Variants in POLN observed in about 807,000 individuals in gnomAD.
POLN encodes DNA polymerase N.
In POLN, 108 loss-of-function variants were observed where a neutral mutation model predicts 113.5. The ratio of observed to expected loss-of-function variants is 0.95; its 90% CI spans 0.81 to 1.12. The LOEUF (loss-of-function observed/expected upper bound fraction) is 1.12, where lower values mean the gene tolerates loss of function less well. Among genes scored for constraint, POLN ranks in the 50% most tolerant of loss-of-function variants. The probability of loss-of-function intolerance (pLI) is 0.00; values close to 1 mark genes in which losing one functional copy is unlikely to be tolerated. For missense variants in POLN, 1,097 were observed against 1,077.1 expected (o/e 1.02, Z -0.26); for synonymous variants, 386 against 391.5 (o/e 0.99, Z 0.17).
chr4:2,231,387 C>T (rs1159993079), intron 2 of POLN: 1 of 152,478 alleles, frequency 6.6e-6, no homozygotes, highest in Non-Finnish European at 1.5e-5. Context: ...ATCAAGAGGT[C>T]AAGAGATTGA....
chr4:2,150,149 T>TA (rs569117003), intron 16 of POLN, among the ~76,000 whole-genome samples: 261 of 151,642 alleles, frequency 1.7e-3, no homozygotes, highest in East Asian at 3.9e-3. Context: ...GAGAGACACA[T>TA]ACACACACAC....
intron 7 of POLN, among the ~76,000 whole-genome samples, chr4:2,185,535 C>G (rs1019376926): frequency 2.6e-5 from 4 of 152,206 alleles, no homozygotes; most frequent in Non-Finnish European, 4.4e-5. Flanking sequence ...TACTTGAGGT[C>G]AGGAGTTCGA....
chr4:2,216,953 C>T lies in POLN; in HGVS notation c.134-3827G>A, dbSNP rs115513084. Among the ~76,000 whole-genome samples, 318 of 152,300 alleles carry T rather than the reference C, an allele frequency of 2.1e-3. 1 individual carries two copies. Among genetic ancestry groups the T allele is most frequent in the African/African-American group, 7.3e-3 (303 of 41,572 alleles). ...TTACTCCATGAGAGAGCCCAGTGTGCCAGCATGGGCGCAGCAGATGGCAGA... is the reference window on the plus strand; with the variant it reads ...TTACTCCATGAGAGAGCCCAGTGTGTCAGCATGGGCGCAGCAGATGGCAGA... On this transcript the variant is annotated intron_variant, in intron 3 of 25. Transcript: ENST00000511885.
At chr4:2,165,367 A>G (rs1185254207) in intron 13 of POLN, among the ~76,000 whole-genome samples, 1 of 152,230 alleles carries the variant, frequency 6.6e-6, no homozygotes, top group East Asian at 1.9e-4. Flanking sequence ...AACATTCTGG[A>G]AAAGGCAAAA....
intron 5 of POLN, among the ~76,000 whole-genome samples, chr4:2,199,432 A>C (rs968396615): frequency 2.6e-5 from 4 of 152,180 alleles, no homozygotes; most frequent in African/African-American, 7.2e-5. Context: ...ACCAAGAAAA[A>C]TACATCAACA....
intron 18 of POLN, among the ~76,000 whole-genome samples, 175 bp from the exon 19 acceptor site, chr4:2,128,402 G>T (rs1382887238): frequency 1.3e-5 from 2 of 152,188 alleles, no homozygotes; most frequent in African/African-American, 2.4e-5. Context: ...AATGAAATGG[G>T]GAGGATTGTG....
chr4:2,091,729 C>A (rs553037432), intron 20 of POLN, among the ~76,000 whole-genome samples: 1 of 151,678 alleles, frequency 6.6e-6, no homozygotes. Flanking sequence ...TTCCCACAGA[C>A]GGCTAACCCT....
At chr4:2,084,900 CT>C (rs1560973803) in intron 21 of POLN, among the ~76,000 whole-genome samples, 1 of 152,328 alleles carries the variant, frequency 6.6e-6, no homozygotes, top group African/African-American at 2.4e-5. Flanking sequence ...TGATTTCTTC[CT>C]TTTTTCCCTG....
intron 24 of POLN, among the ~76,000 whole-genome samples, chr4:2,073,744 C>T (rs1432855268): frequency 2.0e-5 from 3 of 152,238 alleles, no homozygotes; most frequent in Non-Finnish European, 2.9e-5. Flanking sequence ...GCAAAGATGG[C>T]GGCAGGAGCC....
chr4:2,140,610 G>A (rs1003711620), intron 16 of POLN, among the ~76,000 whole-genome samples: 1 of 152,216 alleles, frequency 6.6e-6, no homozygotes, highest in South Asian at 2.1e-4. Context: ...AGCCAGGTAT[G>A]GTGGTTGTAC....
chr4:2,079,992 G>A (rs998019390), intron 23 of POLN: 19 of 985,554 alleles, frequency 1.9e-5, no homozygotes, highest in South Asian at 4.7e-5. Context: ...AGAGTCCCTG[G>A]GGCAGTGCTT....
chr4:2,129,093 A>G (rs1031028211), intron 18 of POLN, 86 bp downstream of exon 18: 4 of 971,192 alleles, frequency 4.1e-6, no homozygotes, highest in Non-Finnish European at 6.2e-6. Context: ...ATTTGAAAGA[A>G]TGAATTCCAT....
chr4:2,235,129 C>T (rs968277763), intron 2 of POLN, among the ~76,000 whole-genome samples: 1 of 152,232 alleles, frequency 6.6e-6, no homozygotes, highest in South Asian at 2.1e-4. Context: ...TGTGATCCAC[C>T]CGCCTCAGCC....
Position 2,115,228 on chromosome 4 carries a change from AT to A in POLN, c.1982+12884del, listed in dbSNP as rs55938347. Among the ~76,000 whole-genome samples, 905 of 129,982 alleles carry A rather than the reference AT, an allele frequency of 7.0e-3. 8 individuals carry two copies. The highest frequency in any genetic ancestry group is 0.022 in the African/African-American group (758 of 34,118). The allele number at this position is 129,982 out of a possible 152,430, so 85.3% of individuals were successfully genotyped here. A position where few individuals can be genotyped will look rare whatever the true frequency, so the allele number is the denominator to read the frequency against. ...CACAGCTATATATATATATATATAT[AT>A]TTTTTTTTTTGTAGTTTTAGTAGAG... On this transcript the variant is annotated intron_variant, in intron 19 of 25. Coordinates refer to ENST00000511885, the MANE Select transcript of POLN (RefSeq NM_181808.4).
rs371531159 is a variant in POLN at position 2,240,397 on chromosome 4, T to G, written c.-13+1123A>C. The G allele has an allele frequency of 1.9e-6, 3 of 1,611,972 alleles. No homozygotes were observed. In the African/African-American group the frequency reaches 4.0e-5, roughly 22 times the overall value. On this transcript the variant is annotated intron_variant, in intron 2 of 25. Coordinates refer to ENST00000511885, the MANE Select transcript of POLN (RefSeq NM_181808.4). ...AGTGGATTTGTCCCTTGACCTAAAT[T>G]AGAATGTCTGAAGAACATCATCAAT...
At chr4:2,150,204 T>C (rs967634606) in intron 16 of POLN, among the ~76,000 whole-genome samples, 1 of 152,138 alleles carries the variant, frequency 6.6e-6, no homozygotes, top group Non-Finnish European at 1.5e-5. Flanking sequence ...CATGCTAATA[T>C]TCAAAGAAAA....
chr4:2,192,691 G>A (rs867067836), intron 7 of POLN, among the ~76,000 whole-genome samples: 21 of 151,990 alleles, frequency 1.4e-4, no homozygotes, highest in Middle Eastern at 6.8e-3. Flanking sequence ...TTTTAGGCCC[G>A]GTGCAGTGGC....
At position 2,241,612 on chromosome 4, in the gene POLN, T is replaced by C; in HGVS notation, c.-105A>G. 1.0e-6 allele frequency: 1 copy of C among 985,026 alleles called. No individual in the cohort carries two copies. The highest frequency in any genetic ancestry group is 1.2e-6 in the Non-Finnish European group (1 of 829,924). 61.0% of individuals were successfully genotyped at this position (985,026 alleles called of 1,614,324 possible). A position where few individuals can be genotyped will look rare whatever the true frequency, so the allele number is the denominator to read the frequency against. On this transcript the variant is annotated 5_prime_UTR_variant, in exon 2 of 26. Transcript: ENST00000511885. ...CAGCAGGGAAGCGCGCGGCCACAAT[T>C]AAGGGTGCTTCGGGCCGGCCTTCAG...
At chr4:2,115,786 A>G (rs1372722818) in intron 19 of POLN, among the ~76,000 whole-genome samples, 1 of 152,216 alleles carries the variant, frequency 6.6e-6, no homozygotes, top group Non-Finnish European at 1.5e-5. Flanking sequence ...TCTGGACTTC[A>G]TTGCAACTCT....
Sources: gnomAD v4.1 joint callset for allele counts (sites outside exome capture counted in the v4.1 genomes callset) on GRCh38, gnomAD v4.1.1 for gene constraint, MANE v1.5 for transcripts, NCBI Gene and HGNC (gene_info 2026-07-23, HGNC 2026-07-21) for gene names.